Variants in ASIP observed in about 807,000 individuals in gnomAD.
ASIP encodes agouti signaling protein.
Under a neutral mutation model 10.3 loss-of-function variants are expected in ASIP, and 11 were observed. That is an observed-to-expected ratio of 1.07 (90% confidence interval 0.68 to 1.78). The LOEUF is 1.78. ASIP is among the 40% of genes most tolerant of loss of function. ASIP has a pLI of 0.00. For missense variants in ASIP, 180 were observed against 169.2 expected, an observed-to-expected ratio of 1.06 and a Z score of -0.35; for synonymous variants, 70 against 70.8, an observed-to-expected ratio of 0.99 and a Z score of 0.06.
At chr20:34,234,506 T>TTTC (rs2035152299) in intron 1 of ASIP, among the ~76,000 whole-genome samples, 1 of 112,776 alleles carries the variant, frequency 8.9e-6, no homozygotes, top group Non-Finnish European at 2.0e-5. Flanking sequence ...TCTTTTCTCC[T>TTTC]TCCTTCCTTC....
intron 1 of ASIP, chr20:34,214,502 A>G: frequency 6.6e-7 from 1 of 1,507,518 alleles, no homozygotes; most frequent in Non-Finnish European, 9.2e-7. Flanking sequence ...GCTTCTGCCA[A>G]CATATACAGC....
intron 1 of ASIP, among the ~76,000 whole-genome samples, chr20:34,199,191 C>T (rs2034877479): frequency 6.6e-6 from 1 of 152,276 alleles, no homozygotes; most frequent in Admixed American, 6.5e-5. Context: ...CTACAATTTA[C>T]ATGGATAAAT....
intron 1 of ASIP, among the ~76,000 whole-genome samples, chr20:34,222,625 A>ACTCCCT (rs141062905): frequency 4.0e-5 from 6 of 151,358 alleles, no homozygotes; most frequent in East Asian, 3.9e-4. Context: ...TGCAAAAGTT[A>ACTCCCT]CTCCCTCTCC....
chr20:34,223,054 T>C (rs1168815373), intron 1 of ASIP, among the ~76,000 whole-genome samples: 1 of 151,938 alleles, frequency 6.6e-6, no homozygotes, highest in African/African-American at 2.4e-5. Context: ...CGCCACCCCG[T>C]CTGGGAAGTG....
At chr20:34,221,131 C>A (rs2035044465) in intron 1 of ASIP, among the ~76,000 whole-genome samples, 1 of 151,952 alleles carries the variant, frequency 6.6e-6, no homozygotes, top group African/African-American at 2.4e-5. Context: ...GTAATCCCAG[C>A]TTTTTGGGAG....
At chr20:34,245,621 C>T (rs1205454227) in intron 1 of ASIP, among the ~76,000 whole-genome samples, 1 of 151,800 alleles carries the variant, frequency 6.6e-6, no homozygotes, top group Non-Finnish European at 1.5e-5. Flanking sequence ...GAACTCCTGA[C>T]CTCATGATCC....
rs376532148 is a variant in ASIP, at chr20:34,234,452, C to A, written c.-10-25913C>A. 5.3e-5 allele frequency among the ~76,000 whole-genome samples: 8 copies of A among 152,206 alleles called. No individual in the cohort carries two copies. The East Asian group carries it at 1.5e-3, about 29-fold the overall frequency. On this transcript the variant is annotated intron_variant, in intron 1 of 3. Transcript: ENST00000568305. ...TGGTTGAGGCCAGGCATCCAGTGGG[C>A]GCTATCAGCTTTCTTTCTTTCTTTT...
intron 1 of ASIP, among the ~76,000 whole-genome samples, chr20:34,236,072 AAG>A (rs1183162596): frequency 1.1e-4 from 16 of 145,958 alleles, no homozygotes; most frequent in African/African-American, 2.8e-4. Flanking sequence ...GAGAGAAAGA[AAG>A]AGAAAGAGAA....
At chr20:34,211,728 C>T (rs1292819186) in intron 1 of ASIP, among the ~76,000 whole-genome samples, 1 of 152,096 alleles carries the variant, frequency 6.6e-6, no homozygotes, top group Non-Finnish European at 1.5e-5. Context: ...CCATTGTTTT[C>T]TGAGTTATGT....
rs139582705 is a variant in ASIP, at chr20:34,226,200, G to A, written c.-11+31440G>A. ...GGCGTGAGCCACACGCTCAGCTGACGTGTACCTACTTTAGAACGTGTGTCT... is the reference window on the plus strand; with the variant it reads ...GGCGTGAGCCACACGCTCAGCTGACATGTACCTACTTTAGAACGTGTGTCT... On this transcript the variant is annotated intron_variant, in intron 1 of 3. Coordinates refer to the ASIP transcript ENST00000568305. Among the ~76,000 whole-genome samples, 757 of 152,200 alleles carry A rather than the reference G, an allele frequency of 5.0e-3. 6 individuals carry two copies. Among genetic ancestry groups the A allele is most frequent in the African/African-American group, 0.016 (657 of 41,524 alleles).
upstream of ASIP, among the ~76,000 whole-genome samples, chr20:34,237,628 C>T (rs559804040): frequency 3.3e-5 from 5 of 152,232 alleles, no homozygotes; most frequent in East Asian, 1.9e-4. Flanking sequence ...CTTTTTAATG[C>T]GGATGGCTTT....
intron 1 of ASIP, chr20:34,246,185 AT>A (rs2035371614): frequency 5.9e-6 from 7 of 1,189,180 alleles, no homozygotes; most frequent in African/African-American, 4.7e-5. Flanking sequence ...TGCTCTAGGA[AT>A]TTTGGCCTTA....
At chr20:34,217,656 G>A (rs1418149291) in intron 1 of ASIP, among the ~76,000 whole-genome samples, 1 of 151,848 alleles carries the variant, frequency 6.6e-6, no homozygotes, top group Non-Finnish European at 1.5e-5. Flanking sequence ...CCGCCTCTTG[G>A]GTTCACGCCA....
intron 1 of ASIP, among the ~76,000 whole-genome samples, chr20:34,225,279 T>G (rs6120573): frequency 0.01 from 1,579 of 152,102 alleles, 33 homozygotes; most frequent in African/African-American, 0.037. Flanking sequence ...GATCCCATGA[T>G]CTGCCTGCCT....
At chr20:34,214,971 C>G in intron 1 of ASIP, 1 of 1,393,728 alleles carries the variant, frequency 7.2e-7, no homozygotes, top group Non-Finnish European at 1.0e-6. Context: ...ATGACTGTCC[C>G]ATTCCGTTTA....
At chr20:34,196,173 CTTT>C (rs34524786) in intron 1 of ASIP, among the ~76,000 whole-genome samples, 2 of 83,704 alleles carry the variant, frequency 2.4e-5, no homozygotes, top group Non-Finnish European at 4.5e-5. Context: ...AGGGAGATTT[CTTT>C]TTTTTTTTTT....
At position 34,235,890 on chromosome 20, in the gene ASIP, G is replaced by GA. The variant is rs1424570636; in HGVS notation, c.-10-24473dup. 6.2e-4 allele frequency among the ~76,000 whole-genome samples: 56 copies of GA among 90,316 alleles called. 2 individuals are homozygous for GA. The highest frequency in any genetic ancestry group is 4.2e-3 in the African/African-American group (49 of 11,570). The allele number at this position is 90,316 out of a possible 152,430, so 59.3% of individuals were successfully genotyped here. On this transcript the variant is annotated intron_variant, in intron 1 of 3. Transcript: ENST00000568305. The stretch of plus-strand genomic sequence containing the variant: ...GAAAGGAAGGAAGGAAGGAAGGAAG[G>GA]AAGGAAGGAAAGGAAGGAAGGAAGG...
intron 1 of ASIP, among the ~76,000 whole-genome samples, chr20:34,200,941 A>G (rs1488207715): frequency 1.4e-5 from 2 of 143,600 alleles, no homozygotes; most frequent in Non-Finnish European, 3.0e-5. Flanking sequence ...CTGTGTTTCA[A>G]ACTTGATTTT....
At chr20:34,233,548 C>G (rs2035140197) in intron 1 of ASIP, among the ~76,000 whole-genome samples, 1 of 152,184 alleles carries the variant, frequency 6.6e-6, no homozygotes, top group Admixed American at 6.5e-5. Flanking sequence ...AAACTAAAAA[C>G]CTTCCAAAGG....
Sources: allele counts gnomAD v4.1 joint callset (sites outside exome capture counted in the v4.1 genomes callset), GRCh38; gene constraint gnomAD v4.1.1; transcripts MANE v1.5; gene names NCBI Gene and HGNC (gene_info 2026-07-23, HGNC 2026-07-21).